ROBO1: variants seen among roughly 807,000 people sequenced by gnomAD.
ROBO1 encodes the protein roundabout guidance receptor 1.
A neutral mutation model predicts 195.9 loss-of-function variants in ROBO1; 149 were observed. The ratio of observed to expected loss-of-function variants is 0.76; its 90% CI spans 0.67 to 0.87. ROBO1 has a LOEUF of 0.87. ROBO1 is among the 40% of genes least tolerant of loss of function. ROBO1 has a pLI of 0.00. For missense variants in ROBO1, 1,933 were observed against 2,068.3 expected, an observed-to-expected ratio of 0.93 and a Z score of 1.27; for synonymous variants, 816 against 733.2, an observed-to-expected ratio of 1.11 and a Z score of -1.82.
chr3:79,423,830 G>A (rs932905890), intron 2 of ROBO1, among the ~76,000 whole-genome samples: 4 of 152,064 alleles, frequency 2.6e-5, no homozygotes, highest in Admixed American at 1.3e-4. Context: ...GTAGAACTGC[G>A]GGTAGGACTG....
At chr3:79,219,696 C>G (rs2108821998) in intron 2 of ROBO1, among the ~76,000 whole-genome samples, 1 of 152,138 alleles carries the variant, frequency 6.6e-6, no homozygotes, top group Middle Eastern at 3.4e-3. Flanking sequence ...TCTGCCCTTG[C>G]TGATTCTTAT....
At chr3:79,178,478 C>A (rs1576778293) in intron 2 of ROBO1, among the ~76,000 whole-genome samples, 3 of 152,226 alleles carry the variant, frequency 2.0e-5, no homozygotes, top group African/African-American at 7.2e-5. Context: ...ATAAAAAAAA[C>A]ACACACTGGT....
chr3:79,519,860 C>T (rs951715165), intron 2 of ROBO1, among the ~76,000 whole-genome samples: 36 of 151,820 alleles, frequency 2.4e-4, no homozygotes, highest in Non-Finnish European at 3.7e-4. Context: ...TCTTAAACTT[C>T]AATTAAGAGA....
chr3:79,005,430 A>T (rs2077598029), intron 3 of ROBO1, among the ~76,000 whole-genome samples: 1 of 152,218 alleles, frequency 6.6e-6, no homozygotes, highest in Admixed American at 6.5e-5. Flanking sequence ...ACACAAAAAC[A>T]AATTCTATGT....
At chr3:79,541,451 G>C (rs1297698632) in intron 2 of ROBO1, among the ~76,000 whole-genome samples, 1 of 151,990 alleles carries the variant, frequency 6.6e-6, no homozygotes, top group Non-Finnish European at 1.5e-5. Context: ...TTTAGAGAAG[G>C]GAATGAGGCT....
chr3:79,326,292 CCCTGTTCGTA>C (rs751405446), intron 2 of ROBO1, among the ~76,000 whole-genome samples: 25 of 152,140 alleles, frequency 1.6e-4, no homozygotes, highest in Non-Finnish European at 3.5e-4. Flanking sequence ...GTGACCCACA[CCCTGTTCGTA>C]CACTCCCTCC....
intron 3 of ROBO1, among the ~76,000 whole-genome samples, chr3:79,052,828 G>A (rs1282032003): frequency 1.3e-5 from 2 of 152,040 alleles, no homozygotes; most frequent in African/African-American, 2.4e-5. Flanking sequence ...AAACATCATT[G>A]GTTCGGTCCA....
In ROBO1 at chr3:78,999,363, T is replaced by TA. The variant is rs544847686; in HGVS notation, c.173-60437dup. On this transcript the variant is annotated intron_variant, in intron 3 of 30. Coordinates refer to ENST00000464233, the MANE Select transcript of ROBO1 (RefSeq NM_002941.4). ...TGTGACATGGAATACTATGCAGCCA[T>TA]AAAGAAGCATGAAATCATGTTCTTT... Among the ~76,000 whole-genome samples, 1,072 of 152,162 alleles carry TA rather than the reference T, an allele frequency of 7.0e-3. 11 individuals carry two copies. Among genetic ancestry groups the TA allele is most frequent in the African/African-American group, 0.024 (995 of 41,534 alleles).
chr3:78,606,616 C>G, intron 29 of ROBO1, 117 bp downstream of exon 29: 1 of 963,356 alleles, frequency 1.0e-6, no homozygotes, highest in African/African-American at 1.6e-5. Flanking sequence ...CCTATCTCCT[C>G]CACTGGAGAG....
chr3:78,839,887 C>G (rs527454948), intron 4 of ROBO1, among the ~76,000 whole-genome samples: 1 of 152,140 alleles, frequency 6.6e-6, no homozygotes, highest in Non-Finnish European at 1.5e-5. Flanking sequence ...AATGAATCAG[C>G]CCTATGAATT....
chr3:79,522,681 C>T (rs953690494), intron 2 of ROBO1, among the ~76,000 whole-genome samples: 2 of 152,062 alleles, frequency 1.3e-5, no homozygotes, highest in Admixed American at 6.6e-5. Flanking sequence ...TAGATTCCTA[C>T]GGTGCATATA....
At chr3:78,776,113 A>G (rs1161504422) in intron 4 of ROBO1, among the ~76,000 whole-genome samples, 1 of 152,148 alleles carries the variant, frequency 6.6e-6, no homozygotes, top group Non-Finnish European at 1.5e-5. Context: ...ATGGGTTCCA[A>G]AAAAGATTTT....
chr3:79,632,490 G>A (rs1413018093), intron 1 of ROBO1, among the ~76,000 whole-genome samples: 1 of 152,070 alleles, frequency 6.6e-6, no homozygotes, highest in Non-Finnish European at 1.5e-5. Flanking sequence ...GAAGGTAGGA[G>A]GGTAGTGAGG....
intron 3 of ROBO1, among the ~76,000 whole-genome samples, chr3:79,100,738 T>C (rs1171451980): frequency 2.0e-5 from 3 of 151,824 alleles, no homozygotes; most frequent in African/African-American, 7.2e-5. Flanking sequence ...GATCCTTATG[T>C]ATTCTAGGAA....
chr3:79,000,139 G>A (rs922604095), intron 3 of ROBO1, among the ~76,000 whole-genome samples: 3 of 152,092 alleles, frequency 2.0e-5, no homozygotes, highest in Admixed American at 2.0e-4. Flanking sequence ...CATGGCTGAG[G>A]TGGCCTCAGG....
chr3:79,537,705 G>A (rs1408265503), intron 2 of ROBO1, among the ~76,000 whole-genome samples: 3 of 151,918 alleles, frequency 2.0e-5, no homozygotes, highest in Non-Finnish European at 4.4e-5. Context: ...AGGACATAGG[G>A]AGGGGAACAT....
intron 2 of ROBO1, among the ~76,000 whole-genome samples, chr3:79,417,505 A>G (rs1233337354): frequency 2.0e-5 from 3 of 152,240 alleles, no homozygotes; most frequent in Admixed American, 2.0e-4. Flanking sequence ...ATATGAGATA[A>G]TAGATATTTG....
intron 4 of ROBO1, among the ~76,000 whole-genome samples, chr3:78,912,666 A>G (rs1258975121): frequency 1.3e-5 from 2 of 152,150 alleles, no homozygotes; most frequent in Non-Finnish European, 2.9e-5. Context: ...ATTTTAGCTA[A>G]ATAGTGAAGC....
At chr3:78,814,106 C>T (rs1559883436) in intron 4 of ROBO1, among the ~76,000 whole-genome samples, 2 of 151,938 alleles carry the variant, frequency 1.3e-5, no homozygotes, top group African/African-American at 2.4e-5. Context: ...TATACCTACT[C>T]TACTACTGAT....
Sources: gnomAD v4.1 joint callset for allele counts (sites outside exome capture counted in the v4.1 genomes callset) on GRCh38, gnomAD v4.1.1 for gene constraint, MANE v1.5 for transcripts, NCBI Gene and HGNC (gene_info 2026-07-23, HGNC 2026-07-21) for gene names.